SNTB2: variants seen among roughly 807,000 people sequenced by gnomAD.
SNTB2 encodes the protein beta-2-syntrophin.
A neutral mutation model predicts 46.2 loss-of-function variants in SNTB2; 34 were observed. The observed-to-expected ratio is 0.74, with a 90% CI of 0.56 to 0.98. The LOEUF is 0.98. Among genes scored for constraint, SNTB2 ranks in the 50% least tolerant of loss-of-function variants. The pLI is 0.00. For missense variants in SNTB2, 603 were observed against 731.4 expected (o/e 0.82, Z 2.02); for synonymous variants, 290 against 312.6 (o/e 0.93, Z 0.76).
At chr16:69,272,511 G>A (rs2143124836) in intron 4 of SNTB2, among the ~76,000 whole-genome samples, 1 of 147,206 alleles carries the variant, frequency 6.8e-6, no homozygotes, top group Non-Finnish European at 1.5e-5. Flanking sequence ...CGGCACTCCA[G>A]CCTGGGTGAC....
chr16:69,289,316 CAA>C (rs1965137160), intron 5 of SNTB2, among the ~76,000 whole-genome samples: 1 of 145,038 alleles, frequency 6.9e-6, no homozygotes, highest in Non-Finnish European at 1.5e-5. Flanking sequence ...GTAGACAGTA[CAA>C]GATAAATACC....
At chr16:69,217,668 TAAAAA>T (rs1964361798) in intron 1 of SNTB2, among the ~76,000 whole-genome samples, 2 of 152,112 alleles carry the variant, frequency 1.3e-5, no homozygotes, top group African/African-American at 4.8e-5. Flanking sequence ...TATGCTATCT[TAAAAA>T]AACAAATGGA....
intron 1 of SNTB2, 81 bp downstream of exon 1, chr16:69,187,827 C>T: frequency 7.4e-6 from 8 of 1,080,840 alleles, no homozygotes; most frequent in Non-Finnish European, 8.5e-6. Flanking sequence ...GCCCCGCCGG[C>T]GGGGCGAGCC....
intron 2 of SNTB2, among the ~76,000 whole-genome samples, chr16:69,254,896 A>T (rs563241853): frequency 1.3e-5 from 2 of 152,090 alleles, no homozygotes; most frequent in South Asian, 4.2e-4. Context: ...AGGTGGGAGG[A>T]TCACTTGAGA....
At chr16:69,278,055 G>A (rs1399502590) in intron 4 of SNTB2, among the ~76,000 whole-genome samples, 1 of 152,166 alleles carries the variant, frequency 6.6e-6, no homozygotes, top group Non-Finnish European at 1.5e-5. Flanking sequence ...GGCGGCACGC[G>A]CCTATTGTCC....
chr16:69,245,257 G>A (rs1024673677), intron 1 of SNTB2, among the ~76,000 whole-genome samples: 2 of 152,094 alleles, frequency 1.3e-5, no homozygotes, highest in Non-Finnish European at 2.9e-5. Context: ...GGAGTGCAGT[G>A]GCACAATCTC....
intron 1 of SNTB2, among the ~76,000 whole-genome samples, chr16:69,194,098 G>C (rs951831380): frequency 6.6e-6 from 1 of 152,106 alleles, no homozygotes; most frequent in Non-Finnish European, 1.5e-5. Context: ...TAGTCTGATA[G>C]CTTGCTGGTG....
chr16:69,214,135 T>TA (rs936233739), intron 1 of SNTB2, among the ~76,000 whole-genome samples: 11 of 149,958 alleles, frequency 7.3e-5, no homozygotes, highest in South Asian at 2.1e-4. Flanking sequence ...TTATTTTTTT[T>TA]TTTTTTATTT....
At chr16:69,237,603 CTTTT>C (rs397706857) in intron 1 of SNTB2, among the ~76,000 whole-genome samples, 4 of 118,764 alleles carry the variant, frequency 3.4e-5, no homozygotes, top group Admixed American at 9.0e-5. Flanking sequence ...TTCTTTCTTT[CTTTT>C]TTTTTTTTTT....
At chr16:69,226,387 A>T (rs542039580) in intron 1 of SNTB2, among the ~76,000 whole-genome samples, 1 of 136,938 alleles carries the variant, frequency 7.3e-6, no homozygotes, top group Admixed American at 7.3e-5. Context: ...TCTTAAGAGT[A>T]AAAAAAAAAA....
chr16:69,269,228 C>A (rs888183185), intron 3 of SNTB2, among the ~76,000 whole-genome samples: 1 of 151,110 alleles, frequency 6.6e-6, no homozygotes. Flanking sequence ...TTAAAAAATA[C>A]GATAGATGGG....
At chr16:69,236,992 A>G (rs748737613) in intron 1 of SNTB2, among the ~76,000 whole-genome samples, 1 of 152,222 alleles carries the variant, frequency 6.6e-6, no homozygotes, top group Non-Finnish European at 1.5e-5. Flanking sequence ...TGATGATGCT[A>G]ATCCTTATAA....
rs1195656887 is a variant in SNTB2, at chr16:69,302,876, ATTTTC to A, written c.*1962_*1966del. ...CTAAGATTGGCTCCATCTGAGATAA[ATTTTC>A]TTTTCTTTTTTTTTTTGAGACGGAG... On this transcript the variant is annotated 3_prime_UTR_variant, in exon 7 of 7. Transcript: ENST00000336278. 3 of 151,684 alleles carry A rather than the reference ATTTTC, an allele frequency of 2.0e-5. No homozygotes were observed. The highest frequency in any genetic ancestry group is 2.9e-5 in the Non-Finnish European group (2 of 67,930). The allele number at this position is 151,684 out of a possible 1,614,324, so 9.4% of individuals were successfully genotyped here.
chr16:69,207,967 G>A (rs1964241096), intron 1 of SNTB2, among the ~76,000 whole-genome samples: 1 of 151,316 alleles, frequency 6.6e-6, no homozygotes, highest in Admixed American at 6.6e-5. Context: ...AAATTAGCCA[G>A]GCATGGTGGT....
chr16:69,308,356 T>G lies in SNTB2; in HGVS notation c.*7432T>G, dbSNP rs1312276152. 1 of 152,644 alleles carries G rather than the reference T, an allele frequency of 6.6e-6. No individual in the cohort carries two copies. The highest frequency in any genetic ancestry group is 1.5e-5 in the Non-Finnish European group (1 of 68,046). 9.5% of individuals were successfully genotyped at this position (152,644 alleles called of 1,614,324 possible). ...AGGAAATGATGATGTCAATTAAGTT[T>G]CAGGTTTGGCATGATCATCATTCTC... On this transcript the variant is annotated 3_prime_UTR_variant, in exon 7 of 7. Coordinates refer to ENST00000336278, the MANE Select transcript of SNTB2 (RefSeq NM_006750.4).
chr16:69,281,905 C>CT (rs776664092), intron 4 of SNTB2, among the ~76,000 whole-genome samples: 14,211 of 125,264 alleles, frequency 0.11, 954 homozygotes, highest in African/African-American at 0.14. Flanking sequence ...TTGTTTCTCT[C>CT]TTTTTTTTTT....
rs548372254 is a variant in SNTB2 at position 69,192,974 on chromosome 16, T to C, written c.580+5228T>C. 7.2e-5 allele frequency among the ~76,000 whole-genome samples: 11 copies of C among 152,352 alleles called. No individual in the cohort carries two copies. The South Asian group carries it at 2.3e-3, about 32-fold the overall frequency. ...TTTTTCTACATTTTTCTTTTTGCTG[T>C]GTTCGGACCCTCTTGCTTTAAAATT... On this transcript the variant is annotated intron_variant, in intron 1 of 6. Transcript: ENST00000336278.
At chr16:69,191,024 G>A (rs1450802552) in intron 1 of SNTB2, 1 of 152,040 alleles carries the variant, frequency 6.6e-6, no homozygotes, top group Non-Finnish European at 1.5e-5. Context: ...AAACAGGAAG[G>A]ATGGCAAGTC....
Position 69,187,344 on chromosome 16 carries a change from G to C in SNTB2, c.178G>C (p.Glu60Gln). 7.0e-7 allele frequency: 1 copy of C among 1,436,292 alleles called. No individual in the cohort carries two copies. The highest frequency in any genetic ancestry group is 9.1e-7 in the Non-Finnish European group (1 of 1,095,618). 89.0% of individuals were successfully genotyped at this position (1,436,292 alleles called of 1,614,324 possible). Reference protein sequence around the residue: ...LTGDAAAAELEPALGPAAAAF... With the variant: ...LTGDAAAAELQPALGPAAAAF... ...GGGCGACGCCGCCGCGGCCGAGCTG[G>C]AGCCCGCTCTGGGACCCGCGGCCGC... is the stretch of plus-strand genomic sequence containing the variant. Residue 60 changes from glutamate (E) to glutamine (Q), a missense_variant, in exon 1 of 7, where the codon GAG becomes CAG. This residue lies in a region of SNTB2 where 537 missense variants were observed against 692.4 expected (regional missense o/e 0.78). Transcript: ENST00000336278.
Sources: allele counts gnomAD v4.1 joint callset (sites outside exome capture counted in the v4.1 genomes callset), GRCh38; gene constraint gnomAD v4.1.1; regional missense constraint gnomAD v4.1.1; transcripts MANE v1.5; gene names NCBI Gene and HGNC (gene_info 2026-07-23, HGNC 2026-07-21).